The following TIMM17B variants were observed in gnomAD, a reference collection of about 807,000 sequenced individuals.
TIMM17B encodes mitochondrial import inner membrane translocase subunit Tim17-B.
Under a neutral mutation model 15.9 loss-of-function variants are expected in TIMM17B, and 10 were observed. The observed-to-expected ratio is 0.63, with a 90% CI of 0.39 to 1.06. The LOEUF (loss-of-function observed/expected upper bound fraction) is 1.06. Ranked by LOEUF, TIMM17B falls within the 50% of genes least tolerant of loss-of-function variation. TIMM17B has a pLI of 0.01. For synonymous variants in TIMM17B, 57 were observed against 57.2 expected, an observed-to-expected ratio of 1.00 and a Z score of 0.02; for missense variants, 114 against 152.2, an observed-to-expected ratio of 0.75 and a Z score of 1.32.
chrX:48,897,362 C>T, intron 2 of TIMM17B: 1 of 261,512 alleles, frequency 3.8e-6, no homozygotes, highest in South Asian at 7.0e-5. Context: ...CGTGCCCCGC[C>T]CCCCACTGAC....
rs149664836 is a variant in TIMM17B, at chrX:48,893,927, G to A, written c.403C>T (p.Arg135Cys). ...TTTCGGAACTGCTGGGCTGTGTAGC[G>A]AGTGAGGAGGATGCCAACGCCCTCA... The change falls in exon 6 of 7, where the codon CGC (arginine) becomes TGC (cysteine). Residue 135 changes from arginine (R) to cysteine (C), a missense_variant. By Grantham distance (180) the Arg-to-Cys change is radical. Transcript: ENST00000376582. The A allele has an allele frequency of 3.0e-4, 364 of 1,208,614 alleles. No homozygotes were observed. Among genetic ancestry groups the A allele is most frequent in the Non-Finnish European group, 4.0e-4 (356 of 893,941 alleles).
chrX:48,894,759 G>A (rs2016813), intron 4 of TIMM17B, among the ~76,000 whole-genome samples: 36,584 of 110,590 alleles, frequency 0.33, 5,590 homozygotes, highest in Middle Eastern at 0.53. Context: ...TACCGATGAA[G>A]TGGTTACTGT....
chrX:48,896,199 C>G (rs2063310644), intron 3 of TIMM17B: 1 of 108,576 alleles, frequency 9.2e-6, no homozygotes, highest in Non-Finnish European at 1.9e-5. Flanking sequence ...GTGGCACACG[C>G]CTGTAATCCC....
chrX:48,896,904 A>G, intron 2 of TIMM17B, 46 bp from the exon 2 acceptor site: 1 of 1,202,061 alleles, frequency 8.3e-7, no homozygotes, highest in Non-Finnish European at 1.1e-6. Context: ...GCCCTCCCCC[A>G]GGTCCTGTCA....
chrX:48,896,765 G>C, exon 3 of TIMM17B: 1 of 1,210,887 alleles, frequency 8.3e-7, no homozygotes, highest in Non-Finnish European at 1.1e-6. Flanking sequence ...TCACAACAGG[G>C]GCATTGCGGA....
At chrX:48,894,248 T>C in intron 4 of TIMM17B, 23 bp from the exon 4 acceptor site, 2 of 1,203,754 alleles carry the variant, frequency 1.7e-6, no homozygotes, top group Non-Finnish European at 2.2e-6. Flanking sequence ...CGAGGCCTAA[T>C]TAGTTCCTGG....
exon 7 of TIMM17B, chrX:48,893,612 A>C (rs2063293243): frequency 9.8e-6 from 6 of 609,885 alleles, no homozygotes; most frequent in Non-Finnish European, 1.2e-5. Flanking sequence ...GGGACTAGGG[A>C]GCAGAGTAGA....
exon 7 of TIMM17B, chrX:48,893,619 T>G: frequency 1.5e-6 from 1 of 662,077 alleles, no homozygotes; most frequent in Non-Finnish European, 2.2e-6. Flanking sequence ...GGGAGCAGAG[T>G]AGAAACCCTC....
At chrX:48,895,013 A>G (rs2063300768) in intron 4 of TIMM17B, 25 bp downstream of exon 3, 1 of 1,168,494 alleles carries the variant, frequency 8.6e-7, no homozygotes, top group Non-Finnish European at 1.2e-6. Context: ...GACATCTCCT[A>G]TATCTATCTC....
chrX:48,894,472 AG>A (rs1373450825), intron 4 of TIMM17B, among the ~76,000 whole-genome samples: 1 of 111,741 alleles, frequency 8.9e-6, no homozygotes, highest in Non-Finnish European at 1.9e-5. Flanking sequence ...GTTTACAAGC[AG>A]ATTTATCTTC....
At chrX:48,898,083 G>A in exon 1 of TIMM17B, 3 of 1,029,301 alleles carry the variant, frequency 2.9e-6, no homozygotes, top group Non-Finnish European at 3.7e-6. Flanking sequence ...GAGTGTATTG[G>A]TAACGTTGGG....
exon 3 of TIMM17B, chrX:48,896,761 C>T: frequency 7.4e-6 from 9 of 1,211,283 alleles, no homozygotes; most frequent in Non-Finnish European, 1.0e-5. Context: ...GGACTCACAA[C>T]AGGGGCATTG....
intron 1 of TIMM17B, 189 bp from the exon 1 acceptor site, chrX:48,897,957 G>C: frequency 1.1e-6 from 1 of 883,534 alleles, no homozygotes. Flanking sequence ...GGGGAGTGAA[G>C]GCCTCGTTGA....
intron 3 of TIMM17B, chrX:48,896,015 G>A: frequency 8.8e-6 from 1 of 113,597 alleles, no homozygotes; most frequent in Non-Finnish European, 1.8e-5. Context: ...AGCCGGGCAT[G>A]GTGGCGCAGT....
chrX:48,894,674 ATTAG>A (rs1206814198), intron 4 of TIMM17B, among the ~76,000 whole-genome samples: 1 of 111,822 alleles, frequency 8.9e-6, no homozygotes. Context: ...GCAATTTTAA[ATTAG>A]TTAATGTTAT....
chrX:48,896,950 C>G, intron 2 of TIMM17B, 92 bp from the exon 2 acceptor site: 1 of 1,166,306 alleles, frequency 8.6e-7, no homozygotes, highest in Non-Finnish European at 1.1e-6. Flanking sequence ...AACCAAGTCA[C>G]CAGAATGGGA....
At chrX:48,897,802 C>A in exon 2 of TIMM17B, 1 of 1,196,724 alleles carries the variant, frequency 8.4e-7, no homozygotes, top group Non-Finnish European at 1.1e-6. Flanking sequence ...TAGACGCACA[C>A]CGGCGTCGGA....
At chrX:48,897,211 G>T (rs782557344) in intron 2 of TIMM17B, 8 of 265,128 alleles carry the variant, frequency 3.0e-5, no homozygotes, top group Non-Finnish European at 5.3e-5. Flanking sequence ...TGTCAGCAAA[G>T]CAGGACCGCG....
intron 3 of TIMM17B, chrX:48,896,469 A>C (rs1488350215): frequency 2.7e-5 from 9 of 334,597 alleles, no homozygotes; most frequent in Admixed American, 1.1e-4. Flanking sequence ...AAAAAAAAAA[A>C]AACTGTCTGG....
Sources: allele counts gnomAD v4.1 joint callset (sites outside exome capture counted in the v4.1 genomes callset), GRCh38; gene constraint gnomAD v4.1.1; transcripts MANE v1.5; gene names NCBI Gene and HGNC (gene_info 2026-07-23, HGNC 2026-07-21).